The following C16orf74 variants were observed in gnomAD, a reference collection of about 807,000 sequenced individuals.
The protein encoded by C16orf74 is calcimembrin.
A neutral mutation model predicts 6.5 loss-of-function variants in C16orf74; 10 were observed. The observed-to-expected ratio is 1.54, with a 90% CI of 0.95 to 2.61. The LOEUF is 2.61. Ranked by LOEUF, C16orf74 falls within the 30% of genes most tolerant of loss-of-function variation. The probability of loss-of-function intolerance (pLI) is 0.00; values close to 1 mark genes in which losing one functional copy is unlikely to be tolerated. For synonymous variants in C16orf74, 60 were observed against 42.5 expected, an observed-to-expected ratio of 1.41 and a Z score of -1.60; for missense variants, 141 against 105.9, an observed-to-expected ratio of 1.33 and a Z score of -1.45.
At chr16:85,717,513 AGGTGTGG>A (rs2054036968) in intron 2 of C16orf74, among the ~76,000 whole-genome samples, 1 of 152,162 alleles carries the variant, frequency 6.6e-6, no homozygotes, top group African/African-American at 2.4e-5. Context: ...AGGAAGTGCC[AGGTGTGG>A]GGTGTGGGGC....
At chr16:85,728,416 G>A (rs2054155345) in intron 2 of C16orf74, among the ~76,000 whole-genome samples, 1 of 152,116 alleles carries the variant, frequency 6.6e-6, no homozygotes, top group African/African-American at 2.4e-5. Flanking sequence ...CCAAGCCCCA[G>A]GCAGCCCCAA....
chr16:85,709,305 G>C (rs1461396040), intron 3 of C16orf74, among the ~76,000 whole-genome samples: 1 of 152,294 alleles, frequency 6.6e-6, no homozygotes, highest in East Asian at 1.9e-4. Flanking sequence ...AGTGAGCTGA[G>C]AGTGCACCAC....
At chr16:85,710,614 C>T (rs4843234) in intron 2 of C16orf74, 213,049 of 324,638 alleles carry the variant, frequency 0.66, 71,203 homozygotes, top group East Asian at 0.87. Flanking sequence ...CAGCTGCAGC[C>T]TCATTCCCGG....
chr16:85,726,945 T>G (rs2054139986), intron 2 of C16orf74, among the ~76,000 whole-genome samples: 2 of 152,198 alleles, frequency 1.3e-5, no homozygotes, highest in Non-Finnish European at 2.9e-5. Context: ...CTCTTTAGGC[T>G]GGGGTGCTTC....
At chr16:85,722,367 C>T (rs944969612) in intron 2 of C16orf74, among the ~76,000 whole-genome samples, 1 of 152,200 alleles carries the variant, frequency 6.6e-6, no homozygotes. Context: ...GCTACTTGAG[C>T]GAACTGGGAG....
intron 1 of C16orf74, among the ~76,000 whole-genome samples, chr16:85,742,848 C>G (rs1263368541): frequency 2.0e-5 from 3 of 152,184 alleles, no homozygotes; most frequent in African/African-American, 4.8e-5. Flanking sequence ...GCATGAACCT[C>G]TTTTCTTTAT....
chr16:85,743,553 G>A (rs775723152), intron 1 of C16orf74: 4 of 152,304 alleles, frequency 2.6e-5, no homozygotes, highest in East Asian at 1.9e-4. Context: ...GGGTTGCAGT[G>A]TTCTATTCCA....
chr16:85,731,968 G>A (rs2054193521), intron 2 of C16orf74, among the ~76,000 whole-genome samples: 1 of 152,256 alleles, frequency 6.6e-6, no homozygotes, highest in Admixed American at 6.5e-5. Flanking sequence ...TGGGACTACA[G>A]GCATGGGCCA....
At chr16:85,747,494 T>C (rs750240769) in intron 1 of C16orf74, among the ~76,000 whole-genome samples, 1 of 151,926 alleles carries the variant, frequency 6.6e-6, no homozygotes, top group East Asian at 1.9e-4. Flanking sequence ...GGTTAACGGC[T>C]ACCCATAGGG....
intron 1 of C16orf74, chr16:85,744,225 CAAAAAAAAA>C (rs368696989): frequency 2.3e-5 from 1 of 43,014 alleles, no homozygotes. Flanking sequence ...AACTCCGTCT[CAAAAAAAAA>C]AAAAAAAAAA....
intron 1 of C16orf74, among the ~76,000 whole-genome samples, chr16:85,743,946 C>T (rs949498643): frequency 5.9e-5 from 9 of 151,792 alleles, no homozygotes; most frequent in South Asian, 2.1e-4. Context: ...CCCAGCTACT[C>T]GGGACGCTGA....
In C16orf74 at chr16:85,735,218, G is replaced by GTCGGCA. The variant is rs1171332196; in HGVS notation, c.-7_-2dup. ...TCAGGCAGGACATCTTAAGCCCCATGTCGGCACCTCTGCAGGCCTGTGGAG... is the reference window on the plus strand; with the variant it reads ...TCAGGCAGGACATCTTAAGCCCCATGTCGGCATCGGCACCTCTGCAGGCCTGTGGAG... On this transcript the variant is annotated 5_prime_UTR_variant, in exon 2 of 4. The change creates a new upstream start codon in the 5' untranslated region. Transcript: ENST00000284245. 6.3e-7 allele frequency: 1 copy of GTCGGCA among 1,598,532 alleles called. No homozygotes were observed. Among genetic ancestry groups the GTCGGCA allele is most frequent in the African/African-American group, 1.4e-5 (1 of 73,824 alleles).
chr16:85,734,168 G>A (rs904315347), intron 2 of C16orf74, among the ~76,000 whole-genome samples: 1 of 152,192 alleles, frequency 6.6e-6, no homozygotes, highest in African/African-American at 2.4e-5. Flanking sequence ...CCAAAGGATG[G>A]GCTACAGAGC....
chr16:85,716,245 G>A (rs1013909536), intron 2 of C16orf74, among the ~76,000 whole-genome samples: 1 of 151,714 alleles, frequency 6.6e-6, no homozygotes, highest in Non-Finnish European at 1.5e-5. Flanking sequence ...GAGGAGAGGG[G>A]GTTGGAGGGA....
intron 2 of C16orf74, among the ~76,000 whole-genome samples, chr16:85,712,101 A>C (rs1436931569): frequency 6.6e-6 from 1 of 152,224 alleles, no homozygotes; most frequent in Non-Finnish European, 1.5e-5. Context: ...GAGGATGCTC[A>C]AGCAGCCTGT....
chr16:85,721,774 C>T (rs2054085548), intron 2 of C16orf74, among the ~76,000 whole-genome samples: 1 of 152,142 alleles, frequency 6.6e-6, no homozygotes, highest in Non-Finnish European at 1.5e-5. Context: ...TTCCTCTGTC[C>T]CCATGTGGTC....
intron 1 of C16orf74, among the ~76,000 whole-genome samples, chr16:85,735,535 G>A (rs1467831897): frequency 6.6e-6 from 1 of 152,208 alleles, no homozygotes; most frequent in Non-Finnish European, 1.5e-5. Context: ...GGCGGAGGCT[G>A]CAGTGAACTG....
chr16:85,710,522 C>T lies in C16orf74; in HGVS notation c.29-215G>A, dbSNP rs990462560. The stretch of plus-strand genomic sequence containing the variant: ...TGTCACATCTCACAGAACCATGAGT[C>T]GGGAAACAGATTTTGGGAAATGCTG... On this transcript the variant is annotated intron_variant, in intron 2 of 3. Coordinates refer to ENST00000284245, the MANE Select transcript of C16orf74 (RefSeq NM_206967.3). 43 of 505,068 alleles carry T rather than the reference C, an allele frequency of 8.5e-5. No homozygotes were observed. The South Asian group carries it at 1.2e-3, about 14-fold the overall frequency. 31.3% of individuals were successfully genotyped at this position (505,068 alleles called of 1,614,324 possible).
intron 2 of C16orf74, among the ~76,000 whole-genome samples, chr16:85,723,450 G>A (rs1567805881): frequency 6.6e-6 from 1 of 151,948 alleles, no homozygotes; most frequent in South Asian, 2.1e-4. Context: ...AACAGAGGAA[G>A]CATGAACTTC....
Sources: gnomAD v4.1 joint callset for allele counts (sites outside exome capture counted in the v4.1 genomes callset) on GRCh38, gnomAD v4.1.1 for gene constraint, MANE v1.5 for transcripts, NCBI Gene and HGNC (gene_info 2026-07-23, HGNC 2026-07-21) for gene names.